The following POU2AF2 variants were observed in gnomAD, a reference collection of about 807,000 sequenced individuals.
The protein encoded by POU2AF2 is POU class 2 homeobox associating factor 2.
chr11:111,256,121 T>C, the POU2AF2 span: 1 of 398,972 alleles, frequency 2.5e-6, no homozygotes, highest in Non-Finnish European at 4.4e-6. Flanking sequence ...TATTCTGAGG[T>C]GCTTGCAGGT....
the POU2AF2 span, among the ~76,000 whole-genome samples, chr11:111,268,490 TTATTTTA>T: frequency 2.1e-3 from 99 of 46,662 alleles, 4 homozygotes; most frequent in South Asian, 8.0e-3. Context: ...TTATTTTATT[TTATTTTA>T]TTTTATTTTA....
At chr11:111,268,890 A>G in the POU2AF2 span, among the ~76,000 whole-genome samples, 1 of 151,368 alleles carries the variant, frequency 6.6e-6, no homozygotes, top group Non-Finnish European at 1.5e-5. Context: ...ATTTCTTTCC[A>G]TATTATCTTT....
At chr11:111,273,296 C>T in the POU2AF2 span, among the ~76,000 whole-genome samples, 1 of 152,128 alleles carries the variant, frequency 6.6e-6, no homozygotes, top group Non-Finnish European at 1.5e-5. Flanking sequence ...TGTTAACATC[C>T]AGCATTAACC....
At chr11:111,285,879 C>T in the POU2AF2 span, 16 of 1,611,236 alleles carry the variant, frequency 9.9e-6, no homozygotes, top group African/African-American at 8.0e-5. Context: ...TACCCTACCC[C>T]GCCTCCTTAC....
At chr11:111,285,861 C>G in the POU2AF2 span, 2 of 1,610,176 alleles carry the variant, frequency 1.2e-6, no homozygotes, top group Non-Finnish European at 1.7e-6. Flanking sequence ...CTGCACCACA[C>G]TCCGGGGTAC....
At chr11:111,281,956 A>G in the POU2AF2 span, among the ~76,000 whole-genome samples, 43 of 152,344 alleles carry the variant, frequency 2.8e-4, no homozygotes, top group Middle Eastern at 3.4e-3. Flanking sequence ...CAGACGCGGC[A>G]CATTCCCTAA....
chr11:111,260,262 G>A, the POU2AF2 span, among the ~76,000 whole-genome samples: 2 of 152,120 alleles, frequency 1.3e-5, no homozygotes, highest in African/African-American at 4.8e-5. Context: ...CTCAAAATTT[G>A]CAGCTGACAG....
At chr11:111,268,678 C>T in the POU2AF2 span, among the ~76,000 whole-genome samples, 2 of 151,726 alleles carry the variant, frequency 1.3e-5, no homozygotes, top group East Asian at 3.9e-4. Flanking sequence ...GGACTACAGG[C>T]ACACGCCACC....
At chr11:111,268,490 TTATTTTATTTTA>T in the POU2AF2 span, among the ~76,000 whole-genome samples, 67 of 46,614 alleles carry the variant, frequency 1.4e-3, no homozygotes, top group Middle Eastern at 0.019. Flanking sequence ...TTATTTTATT[TTATTTTATTTTA>T]TTTTATTTTA....
the POU2AF2 span, among the ~76,000 whole-genome samples, chr11:111,280,053 A>AT: frequency 4.8e-5 from 3 of 61,866 alleles, no homozygotes; most frequent in African/African-American, 1.3e-4. Flanking sequence ...AAAAAAAAAA[A>AT]AAAAATATAT....
the POU2AF2 span, among the ~76,000 whole-genome samples, chr11:111,271,327 A>C: frequency 6.6e-6 from 1 of 152,144 alleles, no homozygotes; most frequent in Non-Finnish European, 1.5e-5. Flanking sequence ...CCATCTCAAA[A>C]AAAAAAAGAA....
At chr11:111,282,248 C>G in the POU2AF2 span, among the ~76,000 whole-genome samples, 1 of 152,164 alleles carries the variant, frequency 6.6e-6, no homozygotes, top group Non-Finnish European at 1.5e-5. Flanking sequence ...AGATGAGAGC[C>G]TGGAAACCTT....
chr11:111,279,337 C>T, the POU2AF2 span, among the ~76,000 whole-genome samples: 1 of 152,184 alleles, frequency 6.6e-6, no homozygotes, highest in Non-Finnish European at 1.5e-5. Flanking sequence ...TGTCTTAGGG[C>T]TGCAGTAACA....
the POU2AF2 span, among the ~76,000 whole-genome samples, chr11:111,278,657 C>A: frequency 2.0e-5 from 3 of 152,198 alleles, no homozygotes. Flanking sequence ...CTAAAAACCA[C>A]ACCTAGATCT....
chr11:111,285,631 G>A, the POU2AF2 span: 15 of 1,598,066 alleles, frequency 9.4e-6, no homozygotes, highest in East Asian at 6.8e-5. Flanking sequence ...AATAACCTCC[G>A]TGGCCTTTCC....
the POU2AF2 span, among the ~76,000 whole-genome samples, chr11:111,280,939 C>A: frequency 1.3e-5 from 2 of 152,144 alleles, no homozygotes; most frequent in African/African-American, 4.8e-5. Flanking sequence ...AAATTCTTAG[C>A]TAAGATGGAA....
the POU2AF2 span, among the ~76,000 whole-genome samples, chr11:111,264,508 GA>G: frequency 4.0e-5 from 1 of 25,074 alleles, no homozygotes; most frequent in African/African-American, 1.4e-4. Context: ...AAGAAAGAAA[GA>G]AAGAAAGAAA....
the POU2AF2 span, among the ~76,000 whole-genome samples, chr11:111,264,761 CAGGA>C: frequency 8.7e-5 from 10 of 115,006 alleles, no homozygotes; most frequent in East Asian, 1.0e-3. Context: ...AGGGAAGAGA[CAGGA>C]AGGAAGGAAG....
chr11:111,273,960 G>T, the POU2AF2 span, among the ~76,000 whole-genome samples: 1 of 152,058 alleles, frequency 6.6e-6, no homozygotes, highest in African/African-American at 2.4e-5. Flanking sequence ...ATACCATCTC[G>T]CTTGGTCAAA....
Sources: gnomAD v4.1 joint callset for allele counts (sites outside exome capture counted in the v4.1 genomes callset) on GRCh38, gnomAD v4.1.1 for gene constraint, MANE v1.5 for transcripts, NCBI Gene and HGNC (gene_info 2026-07-23, HGNC 2026-07-21) for gene names.